The following SNAI3 variants were observed in gnomAD, a reference collection of about 807,000 sequenced individuals.
SNAI3 encodes the protein zinc finger protein SNAI3.
A neutral mutation model predicts 16.4 loss-of-function variants in SNAI3; 21 were observed. That is an observed-to-expected ratio of 1.28 (90% CI 0.91 to 1.85). The LOEUF (loss-of-function observed/expected upper bound fraction) is 1.85. Ranked by LOEUF, SNAI3 falls within the 40% of genes most tolerant of loss-of-function variation. The probability of loss-of-function intolerance (pLI) is 0.00; values close to 1 mark genes in which losing one functional copy is unlikely to be tolerated. For missense variants in SNAI3, 457 were observed against 372.8 expected (o/e 1.23, Z -1.86); for synonymous variants, 202 against 166.6 (o/e 1.21, Z -1.64).
At position 88,686,275 on chromosome 16, in the gene SNAI3, C is replaced by T. The variant is rs1368448027; in HGVS notation, c.76+56G>A. On this transcript the variant is annotated intron_variant, in intron 1 of 2. Transcript: ENST00000332281. ...CCCGCTCCCAGGGGCCTCTCTCTCT[C>T]TCCCGCCCCTCAGGGTCGAGTCCCG... is the stretch of plus-strand genomic sequence containing the variant. 1.9e-6 allele frequency: 3 copies of T among 1,587,026 alleles called. No individual in the cohort carries two copies. The East Asian group carries it at 6.9e-5, about 37-fold the overall frequency.
intron 1 of SNAI3, among the ~76,000 whole-genome samples, chr16:88,684,377 C>T (rs549839222): frequency 6.4e-4 from 98 of 152,252 alleles, no homozygotes; most frequent in Non-Finnish European, 1.2e-3. Flanking sequence ...GAGACAGTCT[C>T]GCCCCGTCAG....
intron 2 of SNAI3, among the ~76,000 whole-genome samples, chr16:88,679,246 A>C (rs1182838095): frequency 6.6e-6 from 1 of 151,962 alleles, no homozygotes; most frequent in Non-Finnish European, 1.5e-5. Flanking sequence ...GGGCCTCCCC[A>C]CACTCCTCAC....
chr16:88,684,588 C>T (rs1374636524), intron 1 of SNAI3, among the ~76,000 whole-genome samples: 2 of 152,140 alleles, frequency 1.3e-5, no homozygotes, highest in African/African-American at 2.4e-5. Context: ...CTCCATCTCC[C>T]GGGTTCAAGT....
Position 88,678,327 on chromosome 16 carries a change from G to A in SNAI3, c.*121C>T, listed in dbSNP as rs1909041104. 3.3e-6 allele frequency: 2 copies of A among 601,694 alleles called. No individual in the cohort carries two copies. The allele number at this position is 601,694 out of a possible 1,614,324, so 37.3% of individuals were successfully genotyped here. On this transcript the variant is annotated 3_prime_UTR_variant, in exon 3 of 3. Transcript: ENST00000332281. ...GGTTCTGATTGGACGCAGATGTGGA[G>A]GACGCACCAAGTGTGAGGCCAGGCC...
In SNAI3 at chr16:88,686,390, A is replaced by T. The variant is rs1909363610; in HGVS notation, c.17T>A (p.Leu6Gln). 6.2e-7 allele frequency: 1 copy of T among 1,611,182 alleles called. No individual in the cohort carries two copies. Among genetic ancestry groups the T allele is most frequent in the African/African-American group, 1.3e-5 (1 of 74,862 alleles). ...CCTGTGGCTGGAGTGCGTTTTCACC[A>T]GGAAGGAGCGCGGCATGTTCCCCTC... is the stretch of plus-strand genomic sequence containing the variant. MPRSF[L>Q]VKTHSSHRVP... The change falls in exon 1 of 3, where the codon CTG (leucine) becomes CAG (glutamine). Residue 6 changes from leucine (L) to glutamine (Q), a missense_variant. Leu to Gln is a moderately radical substitution (Grantham distance 113). Coordinates refer to ENST00000332281, the MANE Select transcript of SNAI3 (RefSeq NM_178310.4).
intron 2 of SNAI3, among the ~76,000 whole-genome samples, chr16:88,679,789 G>GAAAAAA: frequency 4.7e-5 from 2 of 42,876 alleles, no homozygotes; most frequent in South Asian, 1.4e-3. Context: ...AAAAGAAAAA[G>GAAAAAA]TGTGAACTAG....
chr16:88,681,518 G>A lies in SNAI3; in HGVS notation c.273C>T (p.Ser91=), dbSNP rs1358411085. 2.2e-5 allele frequency: 34 copies of A among 1,536,934 alleles called. No homozygotes were observed. Among genetic ancestry groups the A allele is most frequent in the Non-Finnish European group, 2.8e-5 (32 of 1,137,436 alleles). ...CCCGGCTGGCCCGAGGGTCGACCTC[G>A]CTGACTTCCAAGGCGTCCAGCCCAG... ...GASGLDALEV[S]EVDPRASRAA... is the part of the protein sequence containing the mutation. The change falls in exon 2 of 3, where the codon AGC becomes AGT. Residue 91 remains serine (S), a synonymous_variant. Coordinates refer to ENST00000332281, the MANE Select transcript of SNAI3 (RefSeq NM_178310.4). This position sits in a 1 kb window ranked among gnomAD's most constrained non-coding sequence, Gnocchi z 5.4.
chr16:88,682,761 G>GTTTTTTTTTTTTTTTT, intron 1 of SNAI3, among the ~76,000 whole-genome samples: 1 of 81,928 alleles, frequency 1.2e-5, no homozygotes, highest in South Asian at 4.2e-4. Context: ...ATGGGCAAGG[G>GTTTTTTTTTTTTTTTT]ATTTTTTTTT....
chr16:88,686,230 G>GGACA (rs1227395009), intron 1 of SNAI3, 101 bp downstream of exon 1: 75 of 1,427,642 alleles, frequency 5.3e-5, no homozygotes, highest in Non-Finnish European at 6.9e-5. Flanking sequence ...CTCCCACCTG[G>GGACA]GACAGGTGTC....
intron 1 of SNAI3, among the ~76,000 whole-genome samples, chr16:88,684,168 C>T (rs766527874): frequency 1.3e-5 from 2 of 152,252 alleles, no homozygotes; most frequent in African/African-American, 2.4e-5. Context: ...TAAGAGGCAG[C>T]GTCCAAGAGA....
chr16:88,678,295 C>CTTCT lies in SNAI3; in HGVS notation c.*149_*152dup. 1.7e-6 allele frequency: 1 copy of CTTCT among 579,944 alleles called. No individual in the cohort carries two copies. The highest frequency in any genetic ancestry group is 3.1e-6 in the Non-Finnish European group (1 of 325,588). 35.9% of individuals were successfully genotyped at this position (579,944 alleles called of 1,614,324 possible). A position where few individuals can be genotyped will look rare whatever the true frequency, so the allele number is the denominator to read the frequency against. On this transcript the variant is annotated 3_prime_UTR_variant, in exon 3 of 3. Coordinates refer to ENST00000332281, the MANE Select transcript of SNAI3 (RefSeq NM_178310.4). The stretch of plus-strand genomic sequence containing the variant: ...CTCCGGCCCAGTGGCCCCCGCTGGA[C>CTTCT]TTCTTTGGTTCTGATTGGACGCAGA...
chr16:88,678,900 C>G, intron 2 of SNAI3: 4 of 985,408 alleles, frequency 4.1e-6, no homozygotes, highest in Non-Finnish European at 4.8e-6. Flanking sequence ...GGGAGAAGCA[C>G]TGGGGGCCTC....
In SNAI3 at chr16:88,681,176, G is replaced by C. The variant is rs1167890364; in HGVS notation, c.615C>G (p.His205Gln). 4 of 1,613,746 alleles carry C rather than the reference G, an allele frequency of 2.5e-6. No homozygotes were observed. Among genetic ancestry groups the C allele is most frequent in the African/African-American group, 2.7e-5 (2 of 74,926 alleles). The change falls in exon 2 of 3, where the codon CAC (histidine) becomes CAG (glutamine). Residue 205 changes from histidine (H) to glutamine (Q), a missense_variant. Transcript: ENST00000332281. This position sits in a 1 kb window ranked among gnomAD's most constrained non-coding sequence, Gnocchi z 5.4. ...AGATCTTGCAGGTGCAGGGCAGCGTGTGAGTGCGGATGTGCATCTTGAGGG... is the reference window on the plus strand; with the variant it reads ...AGATCTTGCAGGTGCAGGGCAGCGTCTGAGTGCGGATGTGCATCTTGAGGG... Reference protein sequence around the residue: ...LGALKMHIRTHTLPCTCKICG... With the variant: ...LGALKMHIRTQTLPCTCKICG...
At chr16:88,679,697 G>A (rs1398142885) in intron 2 of SNAI3, among the ~76,000 whole-genome samples, 1 of 145,758 alleles carries the variant, frequency 6.9e-6, no homozygotes, top group Non-Finnish European at 1.5e-5. Context: ...AGGAGGCGGG[G>A]CTTGCAGTGA....
At position 88,686,331 on chromosome 16, in the gene SNAI3, C is replaced by T. The variant is rs200533581; in HGVS notation, c.76G>A (p.Glu26Lys). The T allele has an allele frequency of 4.3e-6, 7 of 1,611,106 alleles. No individual in the cohort carries two copies. The highest frequency in any genetic ancestry group is 4.2e-6 in the Non-Finnish European group (5 of 1,179,318). ...PNYRRLETQR[E>K]INGACSACGG... ...GGCTCGGGGATCGGGTAGTCAGTAC[C>T]TCTCTGCGTCTCCAGCCGCCGGTAG... The change falls in exon 1 of 3, where the codon GAA becomes AAA. Residue 26 changes from glutamate (E) to lysine (K), a missense_variant and splice_region_variant. Transcript: ENST00000332281.
intron 1 of SNAI3, among the ~76,000 whole-genome samples, chr16:88,682,762 A>ATTTTTTTTTTT (rs71158747): frequency 0.021 from 1,261 of 60,658 alleles, 285 homozygotes; most frequent in Non-Finnish European, 0.029. Context: ...TGGGCAAGGG[A>ATTTTTTTTTTT]TTTTTTTTTT....
At chr16:88,679,645 C>T (rs1909093389) in intron 2 of SNAI3, among the ~76,000 whole-genome samples, 1 of 151,480 alleles carries the variant, frequency 6.6e-6, no homozygotes, top group South Asian at 2.1e-4. Context: ...GTCTGTAGTC[C>T]CGGCTACTCG....
At chr16:88,682,259 C>T (rs556883768) in intron 1 of SNAI3, among the ~76,000 whole-genome samples, 14 of 152,350 alleles carry the variant, frequency 9.2e-5, no homozygotes, top group South Asian at 4.1e-4. Flanking sequence ...TTGTGGATAA[C>T]GAGGCAGTGA....
rs79013442 is a variant in SNAI3, at chr16:88,686,377, G to A, written c.30C>T (p.His10=). The part of the protein sequence containing the change: MPRSFLVKT[H]SSHRVPNYRR... ...GGTAGTTGGGGACCCTGTGGCTGGA[G>A]TGCGTTTTCACCAGGAAGGAGCGCG... The change falls in exon 1 of 3, where the codon CAC becomes CAT. Residue 10 remains histidine (H), a synonymous_variant. Transcript: ENST00000332281. 1,228 of 1,612,068 alleles carry A rather than the reference G, an allele frequency of 7.6e-4. 13 individuals carry two copies. The African/African-American group carries it at 0.015, about 19-fold the overall frequency.
Sources: gnomAD v4.1 joint callset for allele counts (sites outside exome capture counted in the v4.1 genomes callset) on GRCh38, gnomAD v4.1.1 for gene constraint, Gnocchi (gnomAD v3.1) non-coding constraint, MANE v1.5 for transcripts, NCBI Gene and HGNC (gene_info 2026-07-23, HGNC 2026-07-21) for gene names.